INTS4: variants seen among roughly 807,000 people sequenced by gnomAD.
INTS4 encodes the protein integrator complex subunit 4, also known as MSTP093.
A neutral mutation model predicts 119.5 loss-of-function variants in INTS4; 70 were observed. That is an observed-to-expected ratio of 0.59 (90% CI 0.48 to 0.71). INTS4 has a LOEUF of 0.71. Ranked by LOEUF, INTS4 falls within the 30% of genes least tolerant of loss-of-function variation. INTS4 has a pLI of 0.00. For synonymous variants in INTS4, 316 were observed against 419.6 expected (o/e 0.75, Z 3.02); for missense variants, 867 against 1,173.2 (o/e 0.74, Z 3.81).
At chr11:77,973,533 T>C (rs2136622885) in intron 4 of INTS4, among the ~76,000 whole-genome samples, 1 of 152,252 alleles carries the variant, frequency 6.6e-6, no homozygotes, top group South Asian at 2.1e-4. Context: ...AAATTAAGTA[T>C]GATGTTTCCT....
At chr11:77,927,630 C>CCA (rs1399970568) in intron 11 of INTS4, among the ~76,000 whole-genome samples, 1 of 152,060 alleles carries the variant, frequency 6.6e-6, no homozygotes, top group African/African-American at 2.4e-5. Flanking sequence ...TCTGGTTCAG[C>CCA]CACTAACTCA....
intron 8 of INTS4, among the ~76,000 whole-genome samples, chr11:77,952,715 T>C (rs1954225802): frequency 1.3e-5 from 2 of 152,204 alleles, no homozygotes; most frequent in Non-Finnish European, 2.9e-5. Flanking sequence ...GTCATTCAAG[T>C]AGAAATTTCA....
downstream of INTS4, among the ~76,000 whole-genome samples, chr11:77,874,555 C>T (rs954403622): frequency 4.6e-5 from 7 of 152,164 alleles, no homozygotes; most frequent in Non-Finnish European, 7.4e-5. Context: ...CCTGCTAATA[C>T]ATAGCCCCTA....
intron 9 of INTS4, among the ~76,000 whole-genome samples, chr11:77,940,930 T>A (rs1215381778): frequency 1.3e-5 from 2 of 152,154 alleles, no homozygotes. Flanking sequence ...CCACTGCACC[T>A]GGCTTAGAAA....
chr11:77,876,951 C>T, downstream of INTS4: 1 of 703,228 alleles, frequency 1.4e-6, no homozygotes, highest in South Asian at 1.5e-5. Flanking sequence ...TTTGTCTAGG[C>T]TCCAACCCAG....
intron 9 of INTS4, among the ~76,000 whole-genome samples, chr11:77,939,137 G>A (rs1211533796): frequency 3.3e-5 from 5 of 152,174 alleles, no homozygotes; most frequent in African/African-American, 1.2e-4. Flanking sequence ...TAATGGCAGT[G>A]CCCCTCCAAA....
rs1259861223 is a variant in INTS4 at position 77,928,523 on chromosome 11, G to T, written c.1190C>A (p.Ala397Asp). The change falls in exon 11 of 23, where the codon GCC becomes GAC. Residue 397 changes from alanine (A) to aspartate (D), a missense_variant. Around this residue, in one of 5 missense-constraint regions of INTS4, gnomAD observed 208 missense variants for 306.6 expected, o/e 0.68. Transcript: ENST00000534064. ...TGAAGACTGGGCCAACATGCAGAGG[G>T]CCTCCACAGCAGCAATACGAACCTC... ...MYEVRIAAVE[A>D]LCMLAQSSPS... 6.3e-7 allele frequency: 1 copy of T among 1,588,422 alleles called. No individual in the cohort carries two copies. Among genetic ancestry groups the T allele is most frequent in the Non-Finnish European group, 8.6e-7 (1 of 1,166,022 alleles).
chr11:77,975,509 T>G (rs1056506020), intron 4 of INTS4, among the ~76,000 whole-genome samples: 1 of 152,180 alleles, frequency 6.6e-6, no homozygotes, highest in African/African-American at 2.4e-5. Flanking sequence ...AAAAAAACTT[T>G]TAGGCACATT....
At chr11:77,913,145 A>G (rs1382145418) in intron 15 of INTS4, among the ~76,000 whole-genome samples, 1 of 152,170 alleles carries the variant, frequency 6.6e-6, no homozygotes, top group Non-Finnish European at 1.5e-5. Context: ...GTCACTATTC[A>G]TACTGAGAAA....
chr11:77,969,817 T>G (rs1031788234), intron 4 of INTS4, among the ~76,000 whole-genome samples: 1 of 151,434 alleles, frequency 6.6e-6, no homozygotes, highest in African/African-American at 2.4e-5. Flanking sequence ...CTCCTATCTC[T>G]CTGTTCGCCT....
At chr11:77,926,536 G>A (rs150775151) in intron 11 of INTS4, among the ~76,000 whole-genome samples, 146 of 152,186 alleles carry the variant, frequency 9.6e-4, no homozygotes, top group Non-Finnish European at 1.7e-3. Context: ...AGCCGGGCAC[G>A]GTGGCTCACA....
intron 2 of INTS4, among the ~76,000 whole-genome samples, chr11:77,989,763 G>A (rs904526313): frequency 1.3e-5 from 2 of 151,544 alleles, no homozygotes; most frequent in African/African-American, 4.8e-5. Flanking sequence ...AGCCAGGCAT[G>A]CTGCACATGC....
intron 12 of INTS4, among the ~76,000 whole-genome samples, chr11:77,923,606 G>A (rs1953419948): frequency 6.6e-6 from 1 of 152,068 alleles, no homozygotes. Context: ...TTACTTCATA[G>A]AGTTGCTATA....
chr11:77,986,591 T>G lies in INTS4; in HGVS notation c.246+4517A>C, dbSNP rs190080745. On this transcript the variant is annotated intron_variant, in intron 2 of 22. Transcript: ENST00000534064. ...AGCAAAGACTTGGAAGTAACCCAAA[T>G]GTCCACCAACGATAGACTGGATTAA... Among the ~76,000 whole-genome samples, 133 of 152,310 alleles carry G rather than the reference T, an allele frequency of 8.7e-4. No individual in the cohort carries two copies. The Middle Eastern group carries it at 0.01, about 12-fold the overall frequency.
chr11:77,917,428 C>A lies in INTS4; in HGVS notation c.1922+1393G>T, dbSNP rs145636860. Among the ~76,000 whole-genome samples, 12 of 151,460 alleles carry A rather than the reference C, an allele frequency of 7.9e-5. No homozygotes were observed. In the East Asian group the frequency reaches 1.4e-3, roughly 17 times the overall value. ...TCCCGAGTTCAAGCGATCCTTGTGC[C>A]TCAATCTCCCAAGTAGCTGGGATTA... On this transcript the variant is annotated intron_variant, in intron 15 of 22. Coordinates refer to ENST00000534064, the MANE Select transcript of INTS4 (RefSeq NM_033547.4).
At chr11:77,876,609 A>G (rs1360582895), downstream of INTS4, among the ~76,000 whole-genome samples, 1 of 152,152 alleles carries the variant, frequency 6.6e-6, no homozygotes, top group Non-Finnish European at 1.5e-5. Flanking sequence ...GGAGAATTCT[A>G]TACCCCCTAG....
intron 8 of INTS4, among the ~76,000 whole-genome samples, chr11:77,942,921 A>G (rs1630344): frequency 0.58 from 88,145 of 152,030 alleles, 25,804 homozygotes; most frequent in African/African-American, 0.61. Flanking sequence ...AACAACTGCC[A>G]TACTATTTTG....
intron 21 of INTS4, among the ~76,000 whole-genome samples, chr11:77,888,402 A>G (rs1240239407): frequency 6.6e-6 from 1 of 152,238 alleles, no homozygotes; most frequent in Non-Finnish European, 1.5e-5. Context: ...TCCCTTCCTT[A>G]TGCCTTATAC....
chr11:77,949,243 T>C (rs769201746), intron 8 of INTS4, among the ~76,000 whole-genome samples: 117 of 152,178 alleles, frequency 7.7e-4, no homozygotes, highest in Admixed American at 1.2e-3. Context: ...GACTTAAACA[T>C]AAGACCTAAA....
Sources: gnomAD v4.1 joint callset for allele counts (sites outside exome capture counted in the v4.1 genomes callset) on GRCh38, gnomAD v4.1.1 for gene constraint, gnomAD v4.1.1 regional missense constraint, MANE v1.5 for transcripts, NCBI Gene and HGNC (gene_info 2026-07-23, HGNC 2026-07-21) for gene names.